LDB2: variants seen among roughly 807,000 people sequenced by gnomAD.
LDB2 encodes the protein LIM domain-binding protein 2.
In LDB2, 12 loss-of-function variants were observed where a neutral mutation model predicts 44.3. That is an observed-to-expected ratio of 0.27 (90% confidence interval 0.17 to 0.44). The LOEUF (loss-of-function observed/expected upper bound fraction) is 0.44. LDB2 is among the 20% of genes least tolerant of loss of function. The pLI, the probability that LDB2 is intolerant of heterozygous loss-of-function variation, is 1.00. For synonymous variants in LDB2, 164 were observed against 174.8 expected, an observed-to-expected ratio of 0.94 and a Z score of 0.49; for missense variants, 344 against 473.5, an observed-to-expected ratio of 0.73 and a Z score of 2.54.
intron 5 of LDB2, among the ~76,000 whole-genome samples, chr4:16,529,418 G>C (rs1729375368): frequency 6.6e-6 from 1 of 152,186 alleles, no homozygotes; most frequent in South Asian, 2.1e-4. Context: ...CCAGGTTGCA[G>C]GTGCAGCAGG....
intron 2 of LDB2, among the ~76,000 whole-genome samples, chr4:16,638,819 T>C (rs1020338426): frequency 6.6e-6 from 1 of 151,482 alleles, no homozygotes; most frequent in African/African-American, 2.4e-5. Context: ...AGGGCACAGA[T>C]TGATACACTA....
chr4:16,501,611 AACAC>A lies in LDB2; in HGVS notation c.*1028_*1031del, dbSNP rs770820475. 1.3e-5 allele frequency: 2 copies of A among 152,670 alleles called. No individual in the cohort carries two copies. Among genetic ancestry groups the A allele is most frequent in the Admixed American group, 1.3e-4 (2 of 15,290 alleles). The allele number at this position is 152,670 out of a possible 1,614,324, so 9.5% of individuals were successfully genotyped here. On this transcript the variant is annotated 3_prime_UTR_variant, in exon 8 of 8. Transcript: ENST00000304523. ...CATACATAAAATACAGCTGTTTTTT[AACAC>A]ACGGAGCCACTGTGCCTTTACATGT...
intron 1 of LDB2, among the ~76,000 whole-genome samples, chr4:16,834,195 G>T (rs911731396): frequency 8.5e-5 from 13 of 152,152 alleles, no homozygotes; most frequent in Non-Finnish European, 4.4e-5. Flanking sequence ...AATGTCCAGG[G>T]CTTGCCTCAA....
intron 1 of LDB2, among the ~76,000 whole-genome samples, chr4:16,848,226 A>G (rs1787482733): frequency 6.6e-6 from 1 of 152,238 alleles, no homozygotes; most frequent in South Asian, 2.1e-4. Flanking sequence ...CAAGTCATTA[A>G]TAAAGGCTTA....
At chr4:16,729,871 G>A (rs547822738) in intron 2 of LDB2, among the ~76,000 whole-genome samples, 6 of 152,188 alleles carry the variant, frequency 3.9e-5, no homozygotes, top group South Asian at 2.1e-4. Context: ...AATAACGACC[G>A]CATGAAGTGT....
intron 2 of LDB2, among the ~76,000 whole-genome samples, chr4:16,720,289 A>T (rs1757985534): frequency 6.6e-6 from 1 of 152,102 alleles, no homozygotes; most frequent in African/African-American, 2.4e-5. Context: ...GTATTAAATC[A>T]GTTGAAAGGC....
chr4:16,841,683 T>C (rs1337773154), intron 1 of LDB2, among the ~76,000 whole-genome samples: 3 of 152,220 alleles, frequency 2.0e-5, no homozygotes, highest in Admixed American at 2.0e-4. Flanking sequence ...ATGTGCAAAA[T>C]GTTTTGTAAA....
intron 5 of LDB2, among the ~76,000 whole-genome samples, chr4:16,557,438 C>T (rs1275766649): frequency 2.6e-5 from 4 of 152,200 alleles, no homozygotes; most frequent in South Asian, 2.1e-4. Context: ...GTCCTACGCC[C>T]ACGGAATCTC....
chr4:16,896,464 C>G (rs1259858922), intron 1 of LDB2, among the ~76,000 whole-genome samples: 1 of 151,950 alleles, frequency 6.6e-6, no homozygotes, highest in Non-Finnish European at 1.5e-5. Flanking sequence ...TCTCCTAGCT[C>G]AGACCTGGCC....
chr4:16,725,830 T>C (rs1759309724), intron 2 of LDB2, among the ~76,000 whole-genome samples: 1 of 151,374 alleles, frequency 6.6e-6, no homozygotes, highest in South Asian at 2.1e-4. Context: ...TAAATAGCCA[T>C]TGCTTGTTCT....
chr4:16,651,192 A>G (rs554442554), intron 2 of LDB2: 28 of 152,344 alleles, frequency 1.8e-4, no homozygotes, highest in African/African-American at 6.0e-4. Context: ...TTCACTCCAT[A>G]GAGTCCATTA....
At chr4:16,725,847 G>T (rs1759312872) in intron 2 of LDB2, among the ~76,000 whole-genome samples, 1 of 149,524 alleles carries the variant, frequency 6.7e-6, no homozygotes. Context: ...TTCTCATTTG[G>T]TTGGTCTTCA....
At chr4:16,761,602 G>C (rs1767945034) in intron 1 of LDB2, among the ~76,000 whole-genome samples, 4 of 152,074 alleles carry the variant, frequency 2.6e-5, no homozygotes. Context: ...TAGAACCTGA[G>C]GATAACAATA....
chr4:16,562,679 C>T (rs1742846918), intron 5 of LDB2, among the ~76,000 whole-genome samples: 1 of 152,158 alleles, frequency 6.6e-6, no homozygotes. Context: ...GGATCTAGAA[C>T]TAGAAATACC....
At chr4:16,810,584 T>C (rs2314212) in intron 1 of LDB2, among the ~76,000 whole-genome samples, 6,614 of 27,790 alleles carry the variant, frequency 0.24, 329 homozygotes, top group Middle Eastern at 0.5. Flanking sequence ...GAGAGGTTCA[T>C]GGAAGATCCA....
intron 5 of LDB2, among the ~76,000 whole-genome samples, chr4:16,518,981 G>A (rs1410912887): frequency 1.3e-5 from 2 of 152,090 alleles, no homozygotes; most frequent in South Asian, 2.1e-4. Context: ...CTCTGTCTCC[G>A]ACCATCCTAT....
chr4:16,535,555 G>A (rs554471248), intron 5 of LDB2, among the ~76,000 whole-genome samples: 43 of 152,274 alleles, frequency 2.8e-4, no homozygotes, highest in African/African-American at 5.8e-4. Flanking sequence ...GGAAGAACAC[G>A]GGCTGCGGAA....
intron 1 of LDB2, among the ~76,000 whole-genome samples, chr4:16,828,210 A>G (rs1783414789): frequency 6.6e-6 from 1 of 152,166 alleles, no homozygotes; most frequent in African/African-American, 2.4e-5. Flanking sequence ...GGATAAAATA[A>G]TACTCAAACT....
intron 2 of LDB2, among the ~76,000 whole-genome samples, chr4:16,696,312 C>A (rs1049629027): frequency 6.6e-6 from 1 of 152,138 alleles, no homozygotes. Flanking sequence ...ACAGGCTAAC[C>A]CATCGTCCCT....
Sources: gnomAD v4.1 joint callset for allele counts (sites outside exome capture counted in the v4.1 genomes callset) on GRCh38, gnomAD v4.1.1 for gene constraint, MANE v1.5 for transcripts, NCBI Gene and HGNC (gene_info 2026-07-23, HGNC 2026-07-21) for gene names.